MEIS1: variants seen among roughly 807,000 people sequenced by gnomAD.
The protein encoded by MEIS1 is homeobox protein Meis1.
Under a neutral mutation model 50.8 loss-of-function variants are expected in MEIS1, and 5 were observed. That is an observed-to-expected ratio of 0.10 (90% confidence interval 0.05 to 0.21). The LOEUF (loss-of-function observed/expected upper bound fraction) is 0.21. Ranked by LOEUF, MEIS1 falls within the 10% of genes least tolerant of loss-of-function variation. The pLI, the probability that MEIS1 is intolerant of heterozygous loss-of-function variation, is 1.00. For missense variants in MEIS1, 318 were observed against 517.3 expected (o/e 0.61, Z 3.74); for synonymous variants, 176 against 179.3 (o/e 0.98, Z 0.15).
intron 8 of MEIS1, among the ~76,000 whole-genome samples, chr2:66,532,235 C>T (rs1395375466): frequency 6.6e-6 from 1 of 152,048 alleles, no homozygotes; most frequent in Non-Finnish European, 1.5e-5. Context: ...ATATTAAACC[C>T]CGTAGGCAGA....
rs549912961 is a variant in MEIS1 at position 66,564,759 on chromosome 2, C to T, written c.966-2694C>T. Among the ~76,000 whole-genome samples the T allele has an allele frequency of 2.0e-3, 295 of 150,514 alleles. 1 individual carries two copies. The highest frequency in any genetic ancestry group is 6.9e-3 in the African/African-American group (280 of 40,818). On this transcript the variant is annotated intron_variant, in intron 9 of 12. Coordinates refer to ENST00000272369, the MANE Select transcript of MEIS1 (RefSeq NM_002398.3). ...TAATTATACTTTAAGTTCTAGGGTA[C>T]ATGTGCACAACGTGCAGGTTTGTTA...
intron 9 of MEIS1, among the ~76,000 whole-genome samples, chr2:66,552,549 C>A (rs1215215535): frequency 6.6e-6 from 1 of 152,180 alleles, no homozygotes; most frequent in African/African-American, 2.4e-5. Flanking sequence ...ATTTAGTGCT[C>A]ATACCAGATT....
intron 6 of MEIS1, among the ~76,000 whole-genome samples, chr2:66,450,271 A>G (rs561896757): frequency 2.0e-5 from 3 of 152,300 alleles, no homozygotes; most frequent in East Asian, 3.9e-4. Context: ...AATAGAATTT[A>G]TACTCACGAA....
At chr2:66,504,689 C>T (rs1673645472) in intron 7 of MEIS1, among the ~76,000 whole-genome samples, 1 of 152,158 alleles carries the variant, frequency 6.6e-6, no homozygotes, top group Non-Finnish European at 1.5e-5. Flanking sequence ...TTTGTGTATT[C>T]TTAATCTACA....
In MEIS1 at chr2:66,490,171, T is replaced by A. The variant is rs188878652; in HGVS notation, c.743-21978T>A. ...CAGCGTCTACAGTTTCACCGAAGAGTGTTTGACCTATTTATTTGTCACTGA... is the reference window on the plus strand; with the variant it reads ...CAGCGTCTACAGTTTCACCGAAGAGAGTTTGACCTATTTATTTGTCACTGA... On this transcript the variant is annotated intron_variant, in intron 7 of 12. Coordinates refer to ENST00000272369, the MANE Select transcript of MEIS1 (RefSeq NM_002398.3). Among the ~76,000 whole-genome samples the A allele has an allele frequency of 7.2e-5, 11 of 152,276 alleles. No individual in the cohort carries two copies. In the East Asian group the frequency reaches 1.7e-3, roughly 24 times the overall value.
intron 1 of MEIS1, chr2:66,437,282 CTTT>C (rs75658376): frequency 4.2e-5 from 6 of 143,322 alleles, no homozygotes; most frequent in Admixed American, 1.4e-4. Context: ...CCCATCGTAA[CTTT>C]TTTTTTTTTT....
Position 66,435,845 on chromosome 2 carries a change from C to A in MEIS1, c.-12C>A. ...ATTAGAAGTTGAAGTAGGAAGGGAG[C>A]CAGAGAGGCCGATGGCGCAAAGGGT... On this transcript the variant is annotated 5_prime_UTR_variant, in exon 1 of 13. Coordinates refer to ENST00000272369, the MANE Select transcript of MEIS1 (RefSeq NM_002398.3). 2 of 1,565,188 alleles carry A rather than the reference C, an allele frequency of 1.3e-6. No homozygotes were observed. Among genetic ancestry groups the A allele is most frequent in the Admixed American group, 3.8e-5 (2 of 52,254 alleles).
intron 7 of MEIS1, among the ~76,000 whole-genome samples, chr2:66,507,123 A>G (rs1179759479): frequency 6.6e-6 from 1 of 152,230 alleles, no homozygotes; most frequent in Non-Finnish European, 1.5e-5. Context: ...ATGAAAATGT[A>G]GCCATCTTAC....
intron 9 of MEIS1, among the ~76,000 whole-genome samples, chr2:66,548,516 C>T (rs1674845116): frequency 6.6e-6 from 1 of 152,098 alleles, no homozygotes; most frequent in East Asian, 1.9e-4. Context: ...ATTTGTTTCT[C>T]TTTGAGGCTA....
chr2:66,467,519 C>T (rs1169683354), intron 7 of MEIS1, among the ~76,000 whole-genome samples: 1 of 151,856 alleles, frequency 6.6e-6, no homozygotes, highest in Non-Finnish European at 1.5e-5. Flanking sequence ...ATCGCTTGAA[C>T]CCAGGAGGCG....
chr2:66,504,048 T>A (rs923427631), intron 7 of MEIS1, among the ~76,000 whole-genome samples: 6 of 151,964 alleles, frequency 3.9e-5, no homozygotes, highest in East Asian at 2.0e-4. Flanking sequence ...CCCAGCCCTA[T>A]GAGGCATATT....
chr2:66,573,189 T>C lies in MEIS1; in HGVS notation c.*1981T>C, dbSNP rs148851774. 354 of 152,336 alleles carry C rather than the reference T, an allele frequency of 2.3e-3. 2 individuals are homozygous for C. The highest frequency in any genetic ancestry group is 8.1e-3 in the African/African-American group (337 of 41,570). The allele number at this position is 152,336 out of a possible 1,614,324, so 9.4% of individuals were successfully genotyped here. On this transcript the variant is annotated 3_prime_UTR_variant, in exon 13 of 13. Transcript: ENST00000272369. ...TTTATAAATATGCTCTATGTTCTCA[T>C]TGGATAAAACTGGTTATTAACCAAT...
At chr2:66,566,998 A>G (rs567679054) in intron 9 of MEIS1, among the ~76,000 whole-genome samples, 51 of 152,216 alleles carry the variant, frequency 3.4e-4, no homozygotes, top group African/African-American at 1.2e-3. Context: ...TTAGGTTTGC[A>G]AGAGGTAGGG....
chr2:66,512,942 A>C (rs1027087356), intron 8 of MEIS1, among the ~76,000 whole-genome samples: 2 of 152,192 alleles, frequency 1.3e-5, no homozygotes, highest in African/African-American at 4.8e-5. Flanking sequence ...TGCTGTTTTC[A>C]CTGCAGGAAT....
chr2:66,532,384 T>C (rs191426652), intron 8 of MEIS1, among the ~76,000 whole-genome samples: 59 of 124,712 alleles, frequency 4.7e-4, no homozygotes, highest in Admixed American at 9.1e-4. Context: ...GCCAGCACTT[T>C]ACTGAACATG....
chr2:66,541,272 T>G (rs1247719992), intron 8 of MEIS1, among the ~76,000 whole-genome samples: 4 of 151,920 alleles, frequency 2.6e-5, no homozygotes, highest in South Asian at 2.1e-4. Context: ...CTCCTGACCT[T>G]GTGATCCTCC....
At chr2:66,491,498 A>G (rs1417939818) in intron 7 of MEIS1, among the ~76,000 whole-genome samples, 7 of 152,258 alleles carry the variant, frequency 4.6e-5, no homozygotes, top group African/African-American at 1.7e-4. Context: ...GGCTACTCTG[A>G]TACTTCCTGC....
intron 7 of MEIS1, among the ~76,000 whole-genome samples, chr2:66,477,856 C>T (rs1273015971): frequency 1.3e-5 from 2 of 151,976 alleles, no homozygotes; most frequent in Non-Finnish European, 2.9e-5. Context: ...TATGTAGAGT[C>T]TTCAGATTAC....
chr2:66,458,567 C>T (rs942407099), intron 6 of MEIS1, among the ~76,000 whole-genome samples: 2 of 152,166 alleles, frequency 1.3e-5, no homozygotes, highest in Non-Finnish European at 2.9e-5. Context: ...GCATGCTTGA[C>T]AATTTACATA....
Sources: allele counts gnomAD v4.1 joint callset (sites outside exome capture counted in the v4.1 genomes callset), GRCh38; gene constraint gnomAD v4.1.1; transcripts MANE v1.5; gene names NCBI Gene and HGNC (gene_info 2026-07-23, HGNC 2026-07-21).